ZFYVE26: variants seen among roughly 807,000 people sequenced by gnomAD.
The protein encoded by ZFYVE26 is zinc finger FYVE domain-containing protein 26.
ZFYVE26 carries 181 observed loss-of-function variants against 276.5 expected under a neutral mutation model. The ratio of observed to expected loss-of-function variants is 0.65; its 90% CI spans 0.58 to 0.74. ZFYVE26 has a LOEUF of 0.74. Among genes scored for constraint, ZFYVE26 ranks in the 30% least tolerant of loss-of-function variants. ZFYVE26 has a pLI of 0.00. For missense variants in ZFYVE26, 2,821 were observed against 3,097.9 expected, an observed-to-expected ratio of 0.91 and a Z score of 2.12; for synonymous variants, 1,129 against 1,203.1, an observed-to-expected ratio of 0.94 and a Z score of 1.27.
intron 13 of ZFYVE26, among the ~76,000 whole-genome samples, chr14:67,735,621 C>T (rs2038343475): frequency 6.6e-6 from 1 of 152,176 alleles, no homozygotes; most frequent in Non-Finnish European, 1.5e-5. Context: ...AAACAAGATC[C>T]TGGATGAGAA....
chr14:67,809,430 T>TA (rs2040251904), intron 3 of ZFYVE26, 141 bp from the exon 4 acceptor site: 1 of 670,074 alleles, frequency 1.5e-6, no homozygotes, highest in South Asian at 2.0e-5. Context: ...TTTTTTTTTT[T>TA]TTTTTATTTT....
chr14:67,797,068 C>G (rs577298994), intron 12 of ZFYVE26: 1 of 153,890 alleles, frequency 6.5e-6, no homozygotes, highest in South Asian at 2.0e-4. Flanking sequence ...AGAGCAGCAT[C>G]TGGCATACAA....
downstream of ZFYVE26, among the ~76,000 whole-genome samples, chr14:67,746,188 T>C (rs979348664): frequency 2.0e-5 from 3 of 152,204 alleles, no homozygotes; most frequent in East Asian, 3.9e-4. Flanking sequence ...CTGATAACAA[T>C]GGTGGCCTCT....
chr14:67,786,228 G>C lies in ZFYVE26; in HGVS notation c.3025C>G (p.Arg1009Gly), dbSNP rs374605354. The part of the protein sequence containing the change: ...LNSSLERRGR[R>G]IDHVLLNADG... ...GCATTTAGGAGTACGTGGTCTATCCGTCGACCTGGAAATAGATGAAGGAAG... is the reference window on the plus strand; with the variant it reads ...GCATTTAGGAGTACGTGGTCTATCCCTCGACCTGGAAATAGATGAAGGAAG... Residue 1009 changes from arginine (R) to glycine (G), a missense_variant, in exon 17 of 42, where the codon CGG becomes GGG. Arg to Gly is a moderately radical substitution (Grantham distance 125). Transcript: ENST00000347230. 7.0e-6 allele frequency: 9 copies of C among 1,293,256 alleles called. No individual in the cohort carries two copies. In the African/African-American group the frequency reaches 1.5e-4, roughly 21 times the overall value. The allele number at this position is 1,293,256 out of a possible 1,614,324, so 80.1% of individuals were successfully genotyped here.
chr14:67,761,599 A>C lies in ZFYVE26; in HGVS notation c.6370-15T>G. On this transcript the variant is annotated splice_polypyrimidine_tract_variant and intron_variant, in intron 34 of 41. Transcript: ENST00000347230. ...TCGTCATCTTGCTGACAGCACAGGG[A>C]GCGAGAGAGAAAAATGAAACTCAAA... 6.2e-7 allele frequency: 1 copy of C among 1,611,640 alleles called. No homozygotes were observed. The highest frequency in any genetic ancestry group is 8.5e-7 in the Non-Finnish European group (1 of 1,178,628).
At position 67,806,661 on chromosome 14, in the gene ZFYVE26, G is replaced by C; in HGVS notation, c.901C>G (p.Leu301Val). 1 of 1,614,162 alleles carries C rather than the reference G, an allele frequency of 6.2e-7. No homozygotes were observed. The highest frequency in any genetic ancestry group is 8.5e-7 in the Non-Finnish European group (1 of 1,180,008). Reference protein sequence around the residue: ...TASGKVSPDHLDPERAMLALF... With the variant: ...TASGKVSPDHVDPERAMLALF... ...GCTAGCATTGCCCGCTCAGGATCTA[G>C]ATGATCCGGTGAGACTGAACATCAA... Residue 301 changes from leucine (L) to valine (V), a missense_variant, in exon 6 of 42, where the codon CTA becomes GTA. Leu to Val is a conservative substitution (Grantham distance 32, BLOSUM62 1). Coordinates refer to ENST00000347230, the MANE Select transcript of ZFYVE26 (RefSeq NM_015346.4).
chr14:67,728,895 A>T (rs2038226891), intron 14 of ZFYVE26, among the ~76,000 whole-genome samples: 1 of 151,952 alleles, frequency 6.6e-6, no homozygotes, highest in African/African-American at 2.4e-5. Flanking sequence ...TACTCACTAC[A>T]TGTTGTCATG....
chr14:67,809,113 G>T, intron 4 of ZFYVE26, 87 bp downstream of exon 4: 1 of 1,152,920 alleles, frequency 8.7e-7, no homozygotes, highest in Non-Finnish European at 1.3e-6. Flanking sequence ...GCAACATCTT[G>T]GAGACCTCTC....
intron 39 of ZFYVE26, among the ~76,000 whole-genome samples, chr14:67,753,259 C>G (rs1014902417): frequency 1.3e-5 from 2 of 152,170 alleles, no homozygotes; most frequent in African/African-American, 4.8e-5. Flanking sequence ...CCTGCTCCAG[C>G]CCCTGCTCCA....
rs1318733946 is a variant in ZFYVE26 at position 67,804,197 on chromosome 14, T to A, written c.1339A>T (p.Thr447Ser). Residue 447 changes from threonine (T) to serine (S), a missense_variant, in exon 9 of 42, where the codon ACT becomes TCT. Physicochemically the swap from Thr to Ser is moderately conservative, Grantham distance 58. Coordinates refer to ENST00000347230, the MANE Select transcript of ZFYVE26 (RefSeq NM_015346.4). Reference sequence around the variant, plus strand: ...GGAAGGTTTGTAAGGTGATGGAGAGTGTAGAGCACTGAGTGGCTGTCTCCA... The same window carrying A: ...GGAAGGTTTGTAAGGTGATGGAGAGAGTAGAGCACTGAGTGGCTGTCTCCA... ...HGGDSHSVLY[T>S]LHHLTNLPAL... is the part of the protein sequence containing the mutation. The A allele has an allele frequency of 6.2e-7, 1 of 1,613,942 alleles. No homozygotes were observed. The highest frequency in any genetic ancestry group is 8.5e-7 in the Non-Finnish European group (1 of 1,179,970).
intron 20 of ZFYVE26, 105 bp downstream of exon 20, chr14:67,784,229 C>T: frequency 4.2e-6 from 4 of 946,968 alleles, no homozygotes; most frequent in South Asian, 1.3e-5. Context: ...AGGAAGAAAT[C>T]CCCACTCTCT....
intron 31 of ZFYVE26, among the ~76,000 whole-genome samples, 188 bp downstream of exon 31, chr14:67,767,516 G>C (rs781081214): frequency 4.0e-5 from 6 of 151,842 alleles, no homozygotes; most frequent in Non-Finnish European, 7.4e-5. Context: ...AGGCTTTCCT[G>C]GTCTCCCCTT....
Position 67,783,318 on chromosome 14 carries a change from T to C in ZFYVE26, c.3834A>G (p.Thr1278=). The change falls in exon 21 of 42, where the codon ACA becomes ACG. Residue 1278 remains threonine, a synonymous_variant. Coordinates refer to ENST00000347230, the MANE Select transcript of ZFYVE26 (RefSeq NM_015346.4). ...TTCTTTCCAATGTAGGGTTCTCAGT[T>C]GTCCTCGGGGAGCTCGGTGTAGAAA... The part of the protein sequence containing the change: ...LPLSTPSSPR[T]TENPTLERKP... 1 of 1,612,986 alleles carries C rather than the reference T, an allele frequency of 6.2e-7. No individual in the cohort carries two copies. Among genetic ancestry groups the C allele is most frequent in the Non-Finnish European group, 8.5e-7 (1 of 1,179,098 alleles).
At chr14:67,805,092 A>T in intron 8 of ZFYVE26, 125 bp downstream of exon 8, 1 of 866,844 alleles carries the variant, frequency 1.2e-6, no homozygotes, top group Non-Finnish European at 1.9e-6. Flanking sequence ...AACAATTTTT[A>T]GTAGCTGGTC....
intron 13 of ZFYVE26, among the ~76,000 whole-genome samples, chr14:67,739,297 C>T (rs1021032523): frequency 6.6e-6 from 1 of 152,042 alleles, no homozygotes; most frequent in African/African-American, 2.4e-5. Flanking sequence ...GCGCACACGC[C>T]GAGGGTGGTG....
intron 34 of ZFYVE26, 43 bp from the exon 35 acceptor site, chr14:67,761,627 G>T: frequency 6.4e-7 from 1 of 1,557,406 alleles, no homozygotes; most frequent in Non-Finnish European, 8.8e-7. Context: ...AACTCAAAAA[G>T]TTCTCAGCAG....
At chr14:67,767,018 T>G (rs1003448643) in intron 31 of ZFYVE26, among the ~76,000 whole-genome samples, 4 of 152,174 alleles carry the variant, frequency 2.6e-5, no homozygotes, top group Admixed American at 6.5e-5. Context: ...TACCTACTTC[T>G]TGACAATGTC....
chr14:67,746,310 AG>A (rs2038487879), downstream of ZFYVE26, among the ~76,000 whole-genome samples: 1 of 151,590 alleles, frequency 6.6e-6, no homozygotes, highest in Non-Finnish European at 1.5e-5. Context: ...CAAAAAAAAA[AG>A]TTTTCTGGTG....
chr14:67,778,349 A>C, intron 23 of ZFYVE26, 101 bp from the exon 24 acceptor site: 1 of 1,464,688 alleles, frequency 6.8e-7, no homozygotes, highest in Middle Eastern at 1.9e-4. Flanking sequence ...ATAAGTGCTG[A>C]TGGGAACTTC....
Sources: allele counts gnomAD v4.1 joint callset (sites outside exome capture counted in the v4.1 genomes callset), GRCh38; gene constraint gnomAD v4.1.1; transcripts MANE v1.5; gene names NCBI Gene and HGNC (gene_info 2026-07-23, HGNC 2026-07-21).